RGS7: variants seen among roughly 807,000 people sequenced by gnomAD.
The protein encoded by RGS7 is regulator of G protein signaling 7.
RGS7 carries 27 observed loss-of-function variants against 81.1 expected under a neutral mutation model. The ratio of observed to expected loss-of-function variants is 0.33; its 90% CI spans 0.25 to 0.46. The LOEUF is 0.46. Ranked by LOEUF, RGS7 falls within the 20% of genes least tolerant of loss-of-function variation. The pLI is 1.00. For synonymous variants in RGS7, 208 were observed against 207.7 expected, an observed-to-expected ratio of 1.00 and a Z score of -0.01; for missense variants, 396 against 607.4, an observed-to-expected ratio of 0.65 and a Z score of 3.66.
At chr1:240,859,236 C>A (rs1239674485) in intron 9 of RGS7, among the ~76,000 whole-genome samples, 5 of 152,012 alleles carry the variant, frequency 3.3e-5, no homozygotes, top group Admixed American at 2.6e-4. Context: ...CTGGGCTCAA[C>A]TGATCCTCCT....
rs1664202602 is a variant in RGS7 at position 240,870,054 on chromosome 1, C to T, written c.450+1G>A. ...TTTGCCAGAAGGTCCTTGGTACTTA[C>T]AGCCTCATAGTCTGCGAGCTCCAGT... On this transcript the variant is annotated splice_donor_variant, in intron 7 of 18. Transcript: ENST00000440928. LOFTEE classifies it high-confidence loss of function. The T allele has an allele frequency of 1.2e-6, 2 of 1,613,638 alleles. No homozygotes were observed. The highest frequency in any genetic ancestry group is 1.7e-6 in the Non-Finnish European group (2 of 1,179,698).
At chr1:241,337,254 C>T (rs1386062946) in intron 2 of RGS7, among the ~76,000 whole-genome samples, 1 of 152,094 alleles carries the variant, frequency 6.6e-6, no homozygotes, top group East Asian at 1.9e-4. Flanking sequence ...GCCTCTTGTC[C>T]TTGTATCATC....
chr1:240,796,049 A>T (rs1248763694), intron 18 of RGS7, among the ~76,000 whole-genome samples: 2 of 152,292 alleles, frequency 1.3e-5, no homozygotes, highest in East Asian at 1.9e-4. Flanking sequence ...AGCCCCACAA[A>T]GTGCTGAGAT....
chr1:241,200,441 A>G (rs545931548), intron 2 of RGS7, among the ~76,000 whole-genome samples: 1 of 152,334 alleles, frequency 6.6e-6, no homozygotes, highest in East Asian at 1.9e-4. Flanking sequence ...TTGATCATTC[A>G]GAAAATCTTT....
chr1:240,929,480 T>G (rs773523840), intron 6 of RGS7, among the ~76,000 whole-genome samples: 1 of 134,608 alleles, frequency 7.4e-6, no homozygotes. Context: ...GTTTTTAGAT[T>G]TTTTTTTCAT....
At chr1:240,932,219 C>T (rs1481988791) in intron 5 of RGS7, among the ~76,000 whole-genome samples, 2 of 152,222 alleles carry the variant, frequency 1.3e-5, no homozygotes, top group East Asian at 1.9e-4. Context: ...ACTTACCCTC[C>T]GTTCTTTCTT....
chr1:241,352,433 T>G (rs1451627484), intron 2 of RGS7, among the ~76,000 whole-genome samples: 1 of 152,232 alleles, frequency 6.6e-6, no homozygotes, highest in South Asian at 2.1e-4. Flanking sequence ...CATTGTAATT[T>G]AATCATCTGC....
chr1:241,131,933 G>A (rs956023992), intron 2 of RGS7, among the ~76,000 whole-genome samples: 11 of 152,172 alleles, frequency 7.2e-5, no homozygotes, highest in African/African-American at 7.2e-5. Flanking sequence ...TACACATCCC[G>A]TTAAGAAGAG....
At chr1:241,097,016 A>T (rs769405439) in intron 3 of RGS7, among the ~76,000 whole-genome samples, 25 of 152,076 alleles carry the variant, frequency 1.6e-4, no homozygotes, top group Non-Finnish European at 5.9e-5. Context: ...ATGTGGAGTT[A>T]ACTCTGAATC....
intron 2 of RGS7, among the ~76,000 whole-genome samples, chr1:241,295,657 T>C (rs2079380786): frequency 6.6e-6 from 1 of 152,074 alleles, no homozygotes; most frequent in Admixed American, 6.6e-5. Context: ...GGGGCAGAGA[T>C]TTTCTTCTGT....
At position 240,959,322 on chromosome 1, in the gene RGS7, T is replaced by C. The variant is rs12075628; in HGVS notation, c.227-22616A>G. On this transcript the variant is annotated intron_variant, in intron 4 of 18. Coordinates refer to ENST00000440928, the MANE Select transcript of RGS7 (RefSeq NM_001364886.1). ...TGATTTCATCATTGTGCGAACTTCATGGAGTATACTTACACAAACCTAGAT... is the reference window on the plus strand; with the variant it reads ...TGATTTCATCATTGTGCGAACTTCACGGAGTATACTTACACAAACCTAGAT... Among the ~76,000 whole-genome samples the C allele has an allele frequency of 6.5e-3, 997 of 152,302 alleles. 15 individuals are homozygous for C. Among genetic ancestry groups the C allele is most frequent in the African/African-American group, 0.022 (906 of 41,566 alleles).
intron 3 of RGS7, among the ~76,000 whole-genome samples, chr1:241,026,938 G>A (rs73123767): frequency 0.02 from 2,981 of 151,532 alleles, 87 homozygotes; most frequent in African/African-American, 0.067. Flanking sequence ...GAAATGGTAA[G>A]AGGAGAGGTA....
intron 14 of RGS7, among the ~76,000 whole-genome samples, chr1:240,807,379 C>T (rs762853277): frequency 1.8e-4 from 28 of 152,082 alleles, no homozygotes; most frequent in Non-Finnish European, 3.4e-4. Flanking sequence ...TAATAGTAGA[C>T]GAAGTCAAAG....
intron 18 of RGS7, among the ~76,000 whole-genome samples, chr1:240,782,556 G>A (rs566666432): frequency 2.1e-4 from 32 of 152,000 alleles, no homozygotes; most frequent in African/African-American, 7.7e-4. Flanking sequence ...CCGAGTAGGT[G>A]AGACCACAGG....
chr1:240,944,267 TG>T (rs1678116321), intron 4 of RGS7, among the ~76,000 whole-genome samples: 2 of 9,514 alleles, frequency 2.1e-4, no homozygotes, highest in African/African-American at 5.2e-4. Flanking sequence ...TATATGTGTG[TG>T]TGTGTGTGTG....
chr1:240,866,415 G>A (rs1454587352), intron 9 of RGS7, among the ~76,000 whole-genome samples: 1 of 152,058 alleles, frequency 6.6e-6, no homozygotes. Context: ...GGAGGCTGAG[G>A]CAGGAGAATG....
chr1:241,100,374 C>CAAAA (rs753787286), intron 2 of RGS7, among the ~76,000 whole-genome samples: 8 of 80,444 alleles, frequency 9.9e-5, no homozygotes, highest in Non-Finnish European at 1.5e-4. Context: ...GACTCCATTT[C>CAAAA]AAAAAAAAAA....
chr1:240,956,578 G>C (rs1442225967), intron 4 of RGS7, among the ~76,000 whole-genome samples: 4 of 152,026 alleles, frequency 2.6e-5, no homozygotes, highest in African/African-American at 9.7e-5. Context: ...TTTCCAAAAA[G>C]TATACAATGA....
At chr1:241,179,038 T>C (rs2071387250) in intron 2 of RGS7, among the ~76,000 whole-genome samples, 1 of 152,010 alleles carries the variant, frequency 6.6e-6, no homozygotes, top group East Asian at 1.9e-4. Flanking sequence ...TTGTAAGCTC[T>C]ATCATGGTGG....
Sources: allele counts gnomAD v4.1 joint callset (sites outside exome capture counted in the v4.1 genomes callset), GRCh38; gene constraint gnomAD v4.1.1; transcripts MANE v1.5; gene names NCBI Gene and HGNC (gene_info 2026-07-23, HGNC 2026-07-21).